Variants in GLRB observed in about 807,000 individuals in gnomAD.
GLRB encodes the protein glycine receptor subunit beta.
Under a neutral mutation model 54.2 loss-of-function variants are expected in GLRB, and 33 were observed. The observed-to-expected ratio is 0.61, with a 90% CI of 0.46 to 0.81. GLRB has a LOEUF of 0.81. GLRB is among the 40% of genes least tolerant of loss of function. GLRB has a pLI of 0.00. For missense variants in GLRB, 572 were observed against 584.6 expected, an observed-to-expected ratio of 0.98 and a Z score of 0.22; for synonymous variants, 209 against 208.2, an observed-to-expected ratio of 1.00 and a Z score of -0.03.
chr4:157,158,169 C>T (rs1737312094), intron 9 of GLRB, among the ~76,000 whole-genome samples: 1 of 151,828 alleles, frequency 6.6e-6, no homozygotes, highest in South Asian at 2.1e-4. Flanking sequence ...CCTTTGCCCA[C>T]TTTTTGATGG....
intron 9 of GLRB, among the ~76,000 whole-genome samples, chr4:157,168,874 T>G (rs1737816080): frequency 6.6e-6 from 1 of 152,170 alleles, no homozygotes; most frequent in South Asian, 2.1e-4. Flanking sequence ...GGTAATAATT[T>G]AAATGTATAA....
chr4:157,111,083 C>T (rs935816874), intron 2 of GLRB, among the ~76,000 whole-genome samples: 1 of 151,980 alleles, frequency 6.6e-6, no homozygotes, highest in African/African-American at 2.4e-5. Flanking sequence ...CCGCTTTGTT[C>T]TTTATAGCCT....
chr4:157,140,976 T>C (rs1157550910), intron 7 of GLRB, among the ~76,000 whole-genome samples: 1 of 151,846 alleles, frequency 6.6e-6, no homozygotes, highest in African/African-American at 2.4e-5. Flanking sequence ...AAAAAAAATC[T>C]CCATTTGGGG....
chr4:157,121,456 A>ATTTT (rs34471702), intron 3 of GLRB, among the ~76,000 whole-genome samples: 1 of 136,420 alleles, frequency 7.3e-6, no homozygotes, highest in South Asian at 2.3e-4. Flanking sequence ...ATAAGGCTTG[A>ATTTT]TTTTTTTTTT....
At chr4:157,081,853 G>A (rs1249703333) in intron 2 of GLRB, among the ~76,000 whole-genome samples, 1 of 152,116 alleles carries the variant, frequency 6.6e-6, no homozygotes, top group Non-Finnish European at 1.5e-5. Context: ...GGACACCATA[G>A]TGTTCTGGAT....
intron 2 of GLRB, among the ~76,000 whole-genome samples, chr4:157,118,750 A>T (rs1026681011): frequency 1.3e-5 from 2 of 151,750 alleles, no homozygotes; most frequent in Admixed American, 6.6e-5. Flanking sequence ...TAAACTCAGA[A>T]ATGCCTAATA....
At chr4:157,120,749 T>C in intron 3 of GLRB, 87 bp downstream of exon 3, 2 of 653,244 alleles carry the variant, frequency 3.1e-6, no homozygotes, top group Non-Finnish European at 5.6e-6. Context: ...TATATGTATA[T>C]GCTTTGTGAT....
At chr4:157,155,085 T>C (rs1737175842) in intron 9 of GLRB, among the ~76,000 whole-genome samples, 1 of 152,200 alleles carries the variant, frequency 6.6e-6, no homozygotes. Flanking sequence ...CATCTTCATA[T>C]ATTCCAAGGT....
intron 7 of GLRB, among the ~76,000 whole-genome samples, chr4:157,140,861 A>G (rs1282972060): frequency 6.6e-6 from 1 of 151,888 alleles, no homozygotes; most frequent in Non-Finnish European, 1.5e-5. Context: ...AGAGATGAAA[A>G]TGACACTAGC....
chr4:157,106,591 C>CT lies in GLRB; in HGVS notation c.123-13956dup, dbSNP rs761231575. 1.7e-3 allele frequency among the ~76,000 whole-genome samples: 263 copies of CT among 151,228 alleles called. 1 individual carries two copies. Among genetic ancestry groups the CT allele is most frequent in the Non-Finnish European group, 2.5e-3 (168 of 67,698 alleles). On this transcript the variant is annotated intron_variant, in intron 2 of 9. Coordinates refer to ENST00000264428, the MANE Select transcript of GLRB (RefSeq NM_000824.5). ...ATAGGTGAATTCTTTCTCTCTCTCT[C>CT]TTTTTTTTTCCTGGAGCTAGGACAA...
At chr4:157,161,089 G>T (rs1414157580) in intron 9 of GLRB, among the ~76,000 whole-genome samples, 1 of 152,048 alleles carries the variant, frequency 6.6e-6, no homozygotes, top group Non-Finnish European at 1.5e-5. Flanking sequence ...TTATGTAATG[G>T]CCTTCTTTGT....
intron 9 of GLRB, among the ~76,000 whole-genome samples, chr4:157,162,459 A>G (rs948918243): frequency 1.3e-5 from 2 of 152,090 alleles, no homozygotes; most frequent in African/African-American, 4.8e-5. Flanking sequence ...GTTTCTCCCT[A>G]TCTTTGTGGT....
chr4:157,137,648 A>G (rs1405036388), intron 6 of GLRB, among the ~76,000 whole-genome samples: 3 of 152,186 alleles, frequency 2.0e-5, no homozygotes, highest in Non-Finnish European at 4.4e-5. Flanking sequence ...TGTTTTTTAA[A>G]TAATGTACCG....
intron 9 of GLRB, among the ~76,000 whole-genome samples, chr4:157,167,587 T>A (rs1737758249): frequency 6.6e-6 from 1 of 152,124 alleles, no homozygotes; most frequent in Admixed American, 6.5e-5. Flanking sequence ...AAATTAGATG[T>A]ATATTTGTAT....
At position 157,161,699 on chromosome 4, in the gene GLRB, C is replaced by A. The variant is rs184985496; in HGVS notation, c.1197+8689C>A. Reference sequence around the variant, plus strand: ...CTTGTAGAGTTTCTGCCAAGAGATCCGCTGTTAGTCTGATGGGCTTCCCTT... The same window carrying A: ...CTTGTAGAGTTTCTGCCAAGAGATCAGCTGTTAGTCTGATGGGCTTCCCTT... On this transcript the variant is annotated intron_variant, in intron 9 of 9. Coordinates refer to ENST00000264428, the MANE Select transcript of GLRB (RefSeq NM_000824.5). Among the ~76,000 whole-genome samples, 144 of 152,282 alleles carry A rather than the reference C, an allele frequency of 9.5e-4. 1 individual carries two copies. Among genetic ancestry groups the A allele is most frequent in the African/African-American group, 3.3e-3 (137 of 41,540 alleles).
chr4:157,100,274 C>T (rs1054261073), intron 2 of GLRB, among the ~76,000 whole-genome samples: 3 of 152,114 alleles, frequency 2.0e-5, no homozygotes, highest in Non-Finnish European at 2.9e-5. Flanking sequence ...TAATCCATTT[C>T]AACTTGCTTT....
intron 9 of GLRB, among the ~76,000 whole-genome samples, chr4:157,159,411 G>A (rs1052939101): frequency 3.9e-5 from 6 of 152,106 alleles, no homozygotes; most frequent in Non-Finnish European, 8.8e-5. Flanking sequence ...TCTTGTGCCA[G>A]TTTTCAAAGG....
chr4:157,140,970 A>C (rs546232802), intron 7 of GLRB, among the ~76,000 whole-genome samples: 150 of 152,028 alleles, frequency 9.9e-4, no homozygotes, highest in African/African-American at 3.3e-3. Context: ...TACATTAAAA[A>C]AAATCTCCAT....
intron 2 of GLRB, among the ~76,000 whole-genome samples, chr4:157,092,826 G>A (rs897239444): frequency 6.6e-6 from 1 of 152,190 alleles, no homozygotes; most frequent in Non-Finnish European, 1.5e-5. Flanking sequence ...TCAGGTGGTT[G>A]TTTGAAGCTA....
Sources: allele counts gnomAD v4.1 joint callset (sites outside exome capture counted in the v4.1 genomes callset), GRCh38; gene constraint gnomAD v4.1.1; transcripts MANE v1.5; gene names NCBI Gene and HGNC (gene_info 2026-07-23, HGNC 2026-07-21).